NBN: variants seen among roughly 807,000 people sequenced by gnomAD.
NBN encodes nibrin.
In NBN, 88 loss-of-function variants were observed where a neutral mutation model predicts 90.8. The ratio of observed to expected loss-of-function variants is 0.97; its 90% CI spans 0.82 to 1.16. The LOEUF (loss-of-function observed/expected upper bound fraction) is 1.16, where lower values mean the gene tolerates loss of function less well. Among genes scored for constraint, NBN ranks in the 50% most tolerant of loss-of-function variants. NBN has a pLI of 0.00. For missense variants in NBN, 894 were observed against 869.6 expected (o/e 1.03, Z -0.35); for synonymous variants, 328 against 295.1 (o/e 1.11, Z -1.14).
At chr8:89,956,344 A>G (rs905307621) in intron 9 of NBN, among the ~76,000 whole-genome samples, 4 of 152,142 alleles carry the variant, frequency 2.6e-5, no homozygotes, top group African/African-American at 7.2e-5. Flanking sequence ...TGATATCTTA[A>G]GTATCTTAAT....
Position 89,975,584 on chromosome 8 carries a change from A to G in NBN, c.584+2636T>C, listed in dbSNP as rs560162824. Among the ~76,000 whole-genome samples the G allele has an allele frequency of 7.9e-5, 12 of 152,330 alleles. No homozygotes were observed. In the South Asian group the frequency reaches 2.5e-3, roughly 32 times the overall value. On this transcript the variant is annotated intron_variant, in intron 5 of 15. Coordinates refer to ENST00000265433, the MANE Select transcript of NBN (RefSeq NM_002485.5). ...GTTAATAGGATAAATAACCTGTCCC[A>G]GTTAACACCGAATTAGGAGGGATTC...
intron 6 of NBN, among the ~76,000 whole-genome samples, chr8:89,970,900 G>A (rs1210291731): frequency 6.6e-6 from 1 of 152,076 alleles, no homozygotes; most frequent in Non-Finnish European, 1.5e-5. Flanking sequence ...TAACTAAAGA[G>A]GTTTAGCTTA....
chr8:89,946,137 T>G lies in NBN; in HGVS notation c.2070+3A>C. ...CCTCTTGTGATACAGTTGAAATACCTACCTTTTTGAATTTCTTGAAATTTT... is the reference window on the plus strand; with the variant it reads ...CCTCTTGTGATACAGTTGAAATACCGACCTTTTTGAATTTCTTGAAATTTT... On this transcript the variant is annotated splice_donor_region_variant and intron_variant, in intron 13 of 15. Coordinates refer to ENST00000265433, the MANE Select transcript of NBN (RefSeq NM_002485.5). 1.9e-6 allele frequency: 3 copies of G among 1,565,818 alleles called. No homozygotes were observed. Among genetic ancestry groups the G allele is most frequent in the Non-Finnish European group, 2.6e-6 (3 of 1,138,120 alleles).
chr8:89,983,081 C>A (rs1812154475), intron 1 of NBN, among the ~76,000 whole-genome samples: 1 of 151,038 alleles, frequency 6.6e-6, no homozygotes, highest in African/African-American at 2.4e-5. Context: ...TCAGGAGTAA[C>A]AACAACAAAA....
chr8:89,960,977 G>A (rs971381392), intron 8 of NBN, among the ~76,000 whole-genome samples: 2 of 152,098 alleles, frequency 1.3e-5, no homozygotes, highest in African/African-American at 2.4e-5. Flanking sequence ...ACCTACCTAC[G>A]AAAATATGCA....
In NBN at chr8:89,934,266, A is replaced by G; in HGVS notation, c.*1316T>C. On this transcript the variant is annotated 3_prime_UTR_variant, in exon 16 of 16. Transcript: ENST00000265433. ...TCTAAAGTATCCCATGTTCTATCCA[A>G]TGTCATACCACTATCATAATTTAAG... 4.3e-6 allele frequency: 1 copy of G among 232,248 alleles called. No homozygotes were observed. Among genetic ancestry groups the G allele is most frequent in the Non-Finnish European group, 8.5e-6 (1 of 117,446 alleles). The allele number at this position is 232,248 out of a possible 1,614,324, so 14.4% of individuals were successfully genotyped here.
At chr8:89,946,677 T>G in intron 12 of NBN, 1 of 236,578 alleles carries the variant, frequency 4.2e-6, no homozygotes, top group Non-Finnish European at 8.3e-6. Flanking sequence ...TACACTGAGA[T>G]TATAATATAT....
chr8:89,955,073 A>C (rs990251743), intron 10 of NBN, among the ~76,000 whole-genome samples: 4 of 152,074 alleles, frequency 2.6e-5, no homozygotes, highest in Non-Finnish European at 2.9e-5. Context: ...AATAACACGT[A>C]AGTACATACA....
chr8:89,955,735 T>C (rs982043572), intron 9 of NBN, among the ~76,000 whole-genome samples, 180 bp from the exon 10 acceptor site: 1 of 152,160 alleles, frequency 6.6e-6, no homozygotes, highest in African/African-American at 2.4e-5. Context: ...CTAAGCATCC[T>C]GTGGAAGGAT....
At chr8:89,962,255 T>C (rs1811024339) in intron 8 of NBN, among the ~76,000 whole-genome samples, 1 of 152,196 alleles carries the variant, frequency 6.6e-6, no homozygotes, top group African/African-American at 2.4e-5. Context: ...TTCTGAAGCA[T>C]ATATCTAGTT....
chr8:89,961,353 A>C (rs1044547731), intron 8 of NBN, among the ~76,000 whole-genome samples: 4 of 152,222 alleles, frequency 2.6e-5, no homozygotes, highest in African/African-American at 9.6e-5. Context: ...AGGGGATCCC[A>C]AATTAGTAAG....
chr8:89,939,233 T>C (rs190467549), intron 14 of NBN, among the ~76,000 whole-genome samples: 8 of 141,266 alleles, frequency 5.7e-5, no homozygotes, highest in African/African-American at 2.3e-4. Context: ...GGAGGGAATA[T>C]AGAAAAAGAA....
chr8:89,954,037 T>C (rs1222254155), intron 10 of NBN, among the ~76,000 whole-genome samples: 1 of 152,110 alleles, frequency 6.6e-6, no homozygotes, highest in African/African-American at 2.4e-5. Context: ...TATAACGTAG[T>C]AAGGTTGTGG....
At chr8:89,983,685 G>A (rs1016406220) in intron 1 of NBN, among the ~76,000 whole-genome samples, 2 of 152,154 alleles carry the variant, frequency 1.3e-5, no homozygotes. Context: ...ATAAGTTGTT[G>A]GAGTAACAGT....
At chr8:89,973,653 A>G (rs911213542) in intron 5 of NBN, among the ~76,000 whole-genome samples, 3 of 152,238 alleles carry the variant, frequency 2.0e-5, no homozygotes, top group Non-Finnish European at 4.4e-5. Context: ...AGAAAAGACT[A>G]GTGATGAATG....
intron 5 of NBN, 31 bp from the exon 6 acceptor site, chr8:89,971,321 A>G (rs1470639482): frequency 6.3e-7 from 1 of 1,577,374 alleles, no homozygotes; most frequent in African/African-American, 1.4e-5. Context: ...TATTCTAATT[A>G]TATACTACTA....
intron 11 of NBN, among the ~76,000 whole-genome samples, chr8:89,953,024 C>T (rs920241338): frequency 2.0e-5 from 3 of 152,110 alleles, no homozygotes; most frequent in African/African-American, 7.2e-5. Context: ...TCTAGTAAAA[C>T]AATCTCATAT....
intron 7 of NBN, 96 bp downstream of exon 7, chr8:89,970,268 T>A: frequency 9.1e-7 from 1 of 1,100,298 alleles, no homozygotes; most frequent in Non-Finnish European, 1.3e-6. Flanking sequence ...AAAATTCTTG[T>A]ATCTACTTTT....
chr8:89,977,316 C>T (rs548042427), intron 5 of NBN, among the ~76,000 whole-genome samples: 2 of 151,792 alleles, frequency 1.3e-5, no homozygotes, highest in South Asian at 2.1e-4. Flanking sequence ...TGAGAACATA[C>T]GGTGTTTGGT....
Sources: allele counts gnomAD v4.1 joint callset (sites outside exome capture counted in the v4.1 genomes callset), GRCh38; gene constraint gnomAD v4.1.1; transcripts MANE v1.5; gene names NCBI Gene and HGNC (gene_info 2026-07-23, HGNC 2026-07-21).